The following SPTB variants were observed in gnomAD, a reference collection of about 807,000 sequenced individuals.
SPTB encodes spectrin beta chain, erythrocytic.
Under a neutral mutation model 256.2 loss-of-function variants are expected in SPTB, and 45 were observed. The observed-to-expected ratio is 0.18, with a 90% CI of 0.14 to 0.23. The LOEUF is 0.23. Among genes scored for constraint, SPTB ranks in the 10% least tolerant of loss-of-function variants. The pLI is 1.00. For missense variants in SPTB, 2,715 were observed against 3,040.4 expected (o/e 0.89, Z 2.52); for synonymous variants, 1,231 against 1,243.1 (o/e 0.99, Z 0.21).
At chr14:64,871,722 C>A (rs1882544812) in intron 1 of SPTB, among the ~76,000 whole-genome samples, 1 of 152,182 alleles carries the variant, frequency 6.6e-6, no homozygotes. Context: ...GACAGTGGTA[C>A]CTTCTTAGAA....
rs954627724 is a variant in SPTB at position 64,866,699 on chromosome 14, G to C, written c.-52+13093C>G. Among the ~76,000 whole-genome samples the C allele has an allele frequency of 1.3e-5, 2 of 152,140 alleles. No individual in the cohort carries two copies. Among genetic ancestry groups the C allele is most frequent in the Admixed American group, 6.5e-5 (1 of 15,274 alleles). On this transcript the variant is annotated intron_variant, in intron 1 of 35. Coordinates refer to ENST00000644917, the MANE Select transcript of SPTB (RefSeq NM_001355436.2). The surrounding 1 kb of genome is among the most constrained non-coding windows in gnomAD (Gnocchi z 4.6). ...AGAATTCGGGTGAGTCCAGCCGTTG[G>C]TGAGGCTCACTTTTTGTCCGGGTAA...
chr14:64,809,898 T>TA lies in SPTB; in HGVS notation c.149-4809dup, dbSNP rs887247791. Among the ~76,000 whole-genome samples, 161 of 152,210 alleles carry TA rather than the reference T, an allele frequency of 1.1e-3. 3 individuals carry two copies. The highest frequency in any genetic ancestry group is 3.8e-3 in the African/African-American group (159 of 41,522). On this transcript the variant is annotated intron_variant, in intron 2 of 35. Transcript: ENST00000644917. ...TGGAAAGGCATGCTGAGGTCTTGAA[T>TA]AAAAAACTCAACATCATCAAGATAT...
Position 64,816,589 on chromosome 14 carries a change from C to T in SPTB, c.148+6358G>A, listed in dbSNP as rs528249666. On this transcript the variant is annotated intron_variant, in intron 2 of 35. Coordinates refer to ENST00000644917, the MANE Select transcript of SPTB (RefSeq NM_001355436.2). This position sits in a 1 kb window ranked among gnomAD's most constrained non-coding sequence, Gnocchi z 4.2. ...GCACGTGTGTCTATGCACATAGACACGTGTGGGATTATTTGATCTACCTCT... is the reference window on the plus strand; with the variant it reads ...GCACGTGTGTCTATGCACATAGACATGTGTGGGATTATTTGATCTACCTCT... Among the ~76,000 whole-genome samples the T allele has an allele frequency of 6.6e-6, 1 of 152,244 alleles. No individual in the cohort carries two copies.
intron 28 of SPTB, 52 bp downstream of exon 28, chr14:64,769,538 A>G: frequency 3.1e-6 from 5 of 1,609,466 alleles, no homozygotes; most frequent in Non-Finnish European, 4.2e-6. Context: ...CCTGGCTGGC[A>G]CAGTGGGGAC....
chr14:64,813,889 A>G (rs1456894934), intron 2 of SPTB, among the ~76,000 whole-genome samples: 1 of 152,244 alleles, frequency 6.6e-6, no homozygotes, highest in African/African-American at 2.4e-5. Context: ...ATGCCAATCC[A>G]TAATAAAGCC....
intron 2 of SPTB, among the ~76,000 whole-genome samples, chr14:64,822,205 G>A (rs1445916008): frequency 6.0e-5 from 9 of 149,672 alleles, no homozygotes; most frequent in Admixed American, 2.7e-4. Context: ...ACTTAAGGTC[G>A]GAATATACTT....
chr14:64,834,920 G>A (rs1363687786), intron 1 of SPTB, among the ~76,000 whole-genome samples: 1 of 152,100 alleles, frequency 6.6e-6, no homozygotes, highest in Non-Finnish European at 1.5e-5. Context: ...TCTTAGAATG[G>A]TTTCCATCCA....
At chr14:64,780,425 A>ATTG (rs1339366453) in intron 20 of SPTB, among the ~76,000 whole-genome samples, 1 of 152,118 alleles carries the variant, frequency 6.6e-6, no homozygotes, top group Admixed American at 6.6e-5. Context: ...TATTATTATT[A>ATTG]TTTTTGAGAT....
chr14:64,798,481 C>G (rs2082819272), intron 9 of SPTB, among the ~76,000 whole-genome samples: 2 of 152,180 alleles, frequency 1.3e-5, no homozygotes, highest in African/African-American at 4.8e-5. Flanking sequence ...CTCCAGGTAT[C>G]AGGTACTTCC....
intron 33 of SPTB, chr14:64,752,377 CAG>C (rs66500825): frequency 1.6e-5 from 12 of 731,500 alleles, no homozygotes; most frequent in South Asian, 4.4e-5. Context: ...TCTGGAAGGT[CAG>C]AGAGAGAAAC....
At chr14:64,767,631 T>C (rs2082207937) in intron 30 of SPTB, 32 bp downstream of exon 30, 1 of 1,612,418 alleles carries the variant, frequency 6.2e-7, no homozygotes, top group South Asian at 1.1e-5. Flanking sequence ...GTTGCCACCC[T>C]CCTGAGCCTC....
chr14:64,860,244 T>C (rs2083945482), intron 1 of SPTB, among the ~76,000 whole-genome samples: 1 of 152,208 alleles, frequency 6.6e-6, no homozygotes, highest in East Asian at 1.9e-4. Flanking sequence ...AAGATCCTCT[T>C]ATCACCATCA....
rs898674244 is a variant in SPTB at position 64,790,614 on chromosome 14, C to G, written c.2804+1105G>C. 6.6e-6 allele frequency among the ~76,000 whole-genome samples: 1 copy of G among 152,214 alleles called. No individual in the cohort carries two copies. Among genetic ancestry groups the G allele is most frequent in the African/African-American group, 2.4e-5 (1 of 41,454 alleles). On this transcript the variant is annotated intron_variant, in intron 15 of 35. Coordinates refer to ENST00000644917, the MANE Select transcript of SPTB (RefSeq NM_001355436.2). This position sits in a 1 kb window ranked among gnomAD's most constrained non-coding sequence, Gnocchi z 4.8. ...GTCATCGCTGCCTCCCCTTAGCCCC[C>G]CAGTGAACTCTCCACTGTGCCGATC...
At chr14:64,794,684 C>A (rs1055497858) in intron 12 of SPTB, 67 bp from the exon 13 acceptor site, 1 of 1,600,938 alleles carries the variant, frequency 6.2e-7, no homozygotes, top group Non-Finnish European at 8.5e-7. Flanking sequence ...GGAGAAGAGA[C>A]CCCTGCAAAG....
chr14:64,810,975 G>A lies in SPTB; in HGVS notation c.149-5885C>T, dbSNP rs139703259. 1.8e-3 allele frequency among the ~76,000 whole-genome samples: 267 copies of A among 152,202 alleles called. 1 individual carries two copies. Among genetic ancestry groups the A allele is most frequent in the Middle Eastern group, 3.4e-3 (1 of 294 alleles). On this transcript the variant is annotated intron_variant, in intron 2 of 35. Transcript: ENST00000644917. ...ACAAAAAAATTTAAAAATTAGAGGG[G>A]TGTGGTGGCATGCACCTGTAATCCT... is the stretch of plus-strand genomic sequence containing the variant.
chr14:64,769,293 G>A (rs1594755495), intron 28 of SPTB, among the ~76,000 whole-genome samples, 175 bp from the exon 29 acceptor site: 1 of 152,182 alleles, frequency 6.6e-6, no homozygotes, highest in East Asian at 1.9e-4. Context: ...ACCTCTCTGA[G>A]GCCCATGCGC....
intron 33 of SPTB, among the ~76,000 whole-genome samples, chr14:64,751,776 C>G (rs1483319247): frequency 6.6e-6 from 1 of 151,882 alleles, no homozygotes; most frequent in Non-Finnish European, 1.5e-5. Flanking sequence ...TTTAAAGGAA[C>G]AAATTTTACA....
Position 64,795,613 on chromosome 14 carries a change from A to G in SPTB, c.1368T>C (p.Ala456=). The G allele has an allele frequency of 6.2e-7, 1 of 1,613,910 alleles. No homozygotes were observed. The highest frequency in any genetic ancestry group is 8.5e-7 in the Non-Finnish European group (1 of 1,179,992). The change falls in exon 12 of 36, where the codon GCT becomes GCC. Residue 456 remains alanine (A), a synonymous_variant. Coordinates refer to ENST00000644917, the MANE Select transcript of SPTB (RefSeq NM_001355436.2). This position sits in a 1 kb window ranked among gnomAD's most constrained non-coding sequence, Gnocchi z 6.5. The part of the protein sequence containing the change: ...AQDNFGYDLA[A]VEAAKKKHEA... ...CATGCTTCTTCTTGGCGGCCTCCAC[A>G]GCTGCCAGGTCATACCCAAAGTTAT...
In SPTB at chr14:64,793,758, C is replaced by T; in HGVS notation, c.1905G>A (p.Gln635=). The change falls in exon 14 of 36, where the codon CAG becomes CAA. Residue 635 remains glutamine (Q), a synonymous_variant. Coordinates refer to ENST00000644917, the MANE Select transcript of SPTB (RefSeq NM_001355436.2). This position sits in a 1 kb window ranked among gnomAD's most constrained non-coding sequence, Gnocchi z 7.0. ...AGAAGAACTTCCAGAGTCGTTTGGACTGCTCCAGTTGGGCCTTCCGCCCAG... is the reference window on the plus strand; with the variant it reads ...AGAAGAACTTCCAGAGTCGTTTGGATTGCTCCAGTTGGGCCTTCCGCCCAG... The part of the protein sequence containing the change: ...MAAGRKAQLE[Q]SKRLWKFFWE... 6.2e-7 allele frequency: 1 copy of T among 1,614,020 alleles called. No individual in the cohort carries two copies. The highest frequency in any genetic ancestry group is 1.6e-4 in the Middle Eastern group (1 of 6,062).
Sources: allele counts gnomAD v4.1 joint callset (sites outside exome capture counted in the v4.1 genomes callset), GRCh38; gene constraint gnomAD v4.1.1; non-coding constraint Gnocchi (gnomAD v3.1); transcripts MANE v1.5; gene names NCBI Gene and HGNC (gene_info 2026-07-23, HGNC 2026-07-21).